Variants in SNX29 observed in about 807,000 individuals in gnomAD.
SNX29 encodes sorting nexin-29.
A neutral mutation model predicts 102.1 loss-of-function variants in SNX29; 78 were observed. That is an observed-to-expected ratio of 0.76 (90% CI 0.64 to 0.92). The LOEUF (loss-of-function observed/expected upper bound fraction) is 0.92. SNX29 is among the 40% of genes least tolerant of loss of function. The pLI is 0.00. For missense variants in SNX29, 1,280 were observed against 1,061.7 expected (o/e 1.21, Z -2.86); for synonymous variants, 580 against 414.5 (o/e 1.40, Z -4.85).
chr16:12,246,882 G>A (rs2078274472), intron 14 of SNX29, among the ~76,000 whole-genome samples: 1 of 152,164 alleles, frequency 6.6e-6, no homozygotes, highest in Non-Finnish European at 1.5e-5. Flanking sequence ...AGGTCTGTGG[G>A]AGAGGAAGGT....
intron 18 of SNX29, among the ~76,000 whole-genome samples, chr16:12,449,611 C>T (rs908739688): frequency 2.0e-5 from 3 of 152,168 alleles, no homozygotes; most frequent in Non-Finnish European, 4.4e-5. Context: ...ACCTCCCGTG[C>T]TCCAGCTGTG....
chr16:12,457,243 G>T (rs1488231171), intron 18 of SNX29, among the ~76,000 whole-genome samples: 1 of 152,158 alleles, frequency 6.6e-6, no homozygotes, highest in Admixed American at 6.5e-5. Context: ...TCTTAGGTGG[G>T]TGCTAATACT....
chr16:12,311,436 C>T (rs545642694), intron 15 of SNX29, among the ~76,000 whole-genome samples: 6 of 152,240 alleles, frequency 3.9e-5, no homozygotes, highest in Non-Finnish European at 8.8e-5. Context: ...CACCCTCCTC[C>T]GTCCTCCTTT....
At chr16:11,984,515 CT>C (rs766068270) in intron 1 of SNX29, among the ~76,000 whole-genome samples, 2 of 152,136 alleles carry the variant, frequency 1.3e-5, no homozygotes, top group Non-Finnish European at 2.9e-5. Context: ...CTATTGATCA[CT>C]TTTATGGAAT....
At chr16:12,436,537 C>G (rs1180170529) in intron 18 of SNX29, among the ~76,000 whole-genome samples, 1 of 152,262 alleles carries the variant, frequency 6.6e-6, no homozygotes, top group Non-Finnish European at 1.5e-5. Context: ...CAGGCGCAGC[C>G]TGGCTTGGGA....
intron 11 of SNX29, among the ~76,000 whole-genome samples, chr16:12,123,355 G>A (rs1371514115): frequency 1.3e-5 from 2 of 152,158 alleles, no homozygotes; most frequent in African/African-American, 4.8e-5. Flanking sequence ...GTTAGCCAGA[G>A]TCCCCGTTGC....
chr16:12,364,685 C>A (rs888003916), intron 16 of SNX29, among the ~76,000 whole-genome samples: 14 of 152,162 alleles, frequency 9.2e-5, no homozygotes, highest in African/African-American at 3.1e-4. Flanking sequence ...ATGGTGGATG[C>A]AAACACGAGC....
intron 13 of SNX29, among the ~76,000 whole-genome samples, chr16:12,160,871 G>A (rs1274139071): frequency 6.6e-6 from 1 of 152,226 alleles, no homozygotes; most frequent in East Asian, 1.9e-4. Context: ...TCTGGACTGT[G>A]GGAGCTTTCT....
intron 1 of SNX29, among the ~76,000 whole-genome samples, chr16:11,980,331 A>G (rs1318006374): frequency 2.6e-5 from 4 of 152,178 alleles, no homozygotes. Flanking sequence ...ACATTACAGC[A>G]TATATCTGTA....
intron 15 of SNX29, among the ~76,000 whole-genome samples, chr16:12,348,597 C>A (rs776934739): frequency 5.3e-5 from 8 of 152,120 alleles, no homozygotes; most frequent in Non-Finnish European, 1.2e-4. Flanking sequence ...TGCTCCCAGC[C>A]CTCCATCCCT....
chr16:12,074,730 C>A (rs899152821), intron 10 of SNX29, among the ~76,000 whole-genome samples: 42 of 152,282 alleles, frequency 2.8e-4, no homozygotes, highest in Admixed American at 3.9e-4. Flanking sequence ...AGATTGGGGA[C>A]GTTCTCCTGG....
intron 20 of SNX29, among the ~76,000 whole-genome samples, chr16:12,529,422 C>G (rs752315805): frequency 6.6e-6 from 1 of 152,122 alleles, no homozygotes; most frequent in Non-Finnish European, 1.5e-5. Context: ...GAGGGAGGCT[C>G]GGACTCCAAG....
intron 1 of SNX29, among the ~76,000 whole-genome samples, chr16:11,987,099 C>G (rs1041663697): frequency 3.9e-5 from 6 of 152,168 alleles, no homozygotes; most frequent in Non-Finnish European, 8.8e-5. Context: ...AGGTCTCACT[C>G]TGTCACCCAG....
chr16:12,510,030 G>A (rs1257242402), intron 19 of SNX29, among the ~76,000 whole-genome samples: 2 of 152,134 alleles, frequency 1.3e-5, no homozygotes, highest in Non-Finnish European at 2.9e-5. Flanking sequence ...GGCTTGGTTC[G>A]CCCAGTGCCA....
intron 9 of SNX29, among the ~76,000 whole-genome samples, chr16:12,064,475 T>G (rs1356325303): frequency 2.6e-5 from 4 of 152,214 alleles, no homozygotes; most frequent in Non-Finnish European, 5.9e-5. Context: ...CCAGCTGATG[T>G]CGAATGCACT....
At chr16:12,380,604 TCCACCATCCATCCATCCACCCAC>T (rs2083056318) in intron 16 of SNX29, among the ~76,000 whole-genome samples, 1 of 21,092 alleles carries the variant, frequency 4.7e-5, no homozygotes, top group African/African-American at 1.9e-4. Flanking sequence ...CATCCACCCA[TCCACCATCCATCCATCCACCCAC>T]CCACCATCCA....
intron 14 of SNX29, among the ~76,000 whole-genome samples, chr16:12,265,058 C>G (rs2078886168): frequency 1.3e-5 from 2 of 152,174 alleles, no homozygotes; most frequent in Admixed American, 1.3e-4. Context: ...TTAAAAACAG[C>G]ATTTGGGGTG....
intron 13 of SNX29, among the ~76,000 whole-genome samples, chr16:12,148,741 AGGCT>A (rs1327423497): frequency 1.3e-5 from 2 of 152,112 alleles, no homozygotes; most frequent in Non-Finnish European, 2.9e-5. Context: ...CTTGTTGCCC[AGGCT>A]GGAGTACAAT....
chr16:12,365,158 T>C (rs1597088827), intron 16 of SNX29, among the ~76,000 whole-genome samples: 1 of 152,264 alleles, frequency 6.6e-6, no homozygotes, highest in South Asian at 2.1e-4. Flanking sequence ...TTTTATGTTT[T>C]CCAATTTCAA....
Sources: allele counts gnomAD v4.1 joint callset (sites outside exome capture counted in the v4.1 genomes callset), GRCh38; gene constraint gnomAD v4.1.1; transcripts MANE v1.5; gene names NCBI Gene and HGNC (gene_info 2026-07-23, HGNC 2026-07-21).